LINGO2: variants seen among roughly 807,000 people sequenced by gnomAD.
LINGO2 encodes leucine rich repeat and Ig domain containing 2, also known as leucine-rich repeat and immunoglobulin-like domain-containing nogo receptor-interacting protein 2.
Under a neutral mutation model 30.6 loss-of-function variants are expected in LINGO2, and 14 were observed. The observed-to-expected ratio is 0.46, with a 90% CI of 0.30 to 0.72. The LOEUF is 0.72. Among genes scored for constraint, LINGO2 ranks in the 30% least tolerant of loss-of-function variants. The probability of loss-of-function intolerance (pLI) is 0.07; values close to 1 mark genes in which losing one functional copy is unlikely to be tolerated. For synonymous variants in LINGO2, 317 were observed against 288.5 expected, an observed-to-expected ratio of 1.10 and a Z score of -1.00; for missense variants, 729 against 751.7, an observed-to-expected ratio of 0.97 and a Z score of 0.35.
the LINGO2 span, among the ~76,000 whole-genome samples, chr9:28,761,520 A>G: frequency 1.3e-5 from 2 of 151,702 alleles, no homozygotes; most frequent in African/African-American, 4.9e-5. Context: ...GTGTGTGTGT[A>G]TTAAAGGCAT....
At chr9:28,497,436 T>G (rs980161546) in intron 1 of LINGO2, among the ~76,000 whole-genome samples, 1 of 152,198 alleles carries the variant, frequency 6.6e-6, no homozygotes, top group African/African-American at 2.4e-5. Flanking sequence ...TACCCTTTCT[T>G]CCAGTTGATC....
the LINGO2 span, among the ~76,000 whole-genome samples, chr9:28,865,685 G>A: frequency 6.6e-6 from 1 of 152,150 alleles, no homozygotes; most frequent in African/African-American, 2.4e-5. Flanking sequence ...TCGGGAGGAT[G>A]AGACAGGAGA....
At chr9:28,479,147 T>C (rs1350701702) in intron 1 of LINGO2, among the ~76,000 whole-genome samples, 1 of 152,026 alleles carries the variant, frequency 6.6e-6, no homozygotes, top group African/African-American at 2.4e-5. Flanking sequence ...ATATATTAAC[T>C]ATCATTACAA....
At chr9:28,931,825 C>CG in the LINGO2 span, among the ~76,000 whole-genome samples, 3 of 151,746 alleles carry the variant, frequency 2.0e-5, no homozygotes, top group Admixed American at 2.0e-4. Flanking sequence ...AAGGCAGTGG[C>CG]GGGGCTGGGT....
intron 3 of LINGO2, among the ~76,000 whole-genome samples, chr9:28,299,883 T>G (rs1232668263): frequency 1.3e-5 from 2 of 152,150 alleles, no homozygotes; most frequent in Admixed American, 6.6e-5. Context: ...TTTAAACCCA[T>G]GATACTCCTG....
At chr9:28,301,703 T>A (rs1824150811) in intron 3 of LINGO2, among the ~76,000 whole-genome samples, 1 of 152,202 alleles carries the variant, frequency 6.6e-6, no homozygotes, top group South Asian at 2.1e-4. Flanking sequence ...AAATGATTCT[T>A]CCATGAATTG....
At chr9:28,838,598 T>C in the LINGO2 span, among the ~76,000 whole-genome samples, 1 of 152,218 alleles carries the variant, frequency 6.6e-6, no homozygotes, top group East Asian at 1.9e-4. Context: ...CTCAAGCTAA[T>C]AATCTGGGGG....
intron 3 of LINGO2, among the ~76,000 whole-genome samples, chr9:28,325,441 T>C (rs574169655): frequency 2.0e-5 from 3 of 152,234 alleles, no homozygotes; most frequent in African/African-American, 4.8e-5. Context: ...CGGTCTGATA[T>C]GGTTTGGCTG....
chr9:28,168,341 G>A (rs190792918), intron 4 of LINGO2, among the ~76,000 whole-genome samples: 5 of 152,288 alleles, frequency 3.3e-5, no homozygotes, highest in African/African-American at 9.6e-5. Flanking sequence ...GATGCCTACC[G>A]TAGGGCTCTG....
chr9:28,125,593 C>A (rs955674403), intron 4 of LINGO2, among the ~76,000 whole-genome samples: 2 of 152,038 alleles, frequency 1.3e-5, no homozygotes, highest in African/African-American at 4.8e-5. Flanking sequence ...GACTGCAGGG[C>A]TCTCTTAGAG....
chr9:28,084,500 C>T (rs1825855621), intron 4 of LINGO2, among the ~76,000 whole-genome samples: 1 of 152,070 alleles, frequency 6.6e-6, no homozygotes, highest in Admixed American at 6.6e-5. Flanking sequence ...TGGTATACGC[C>T]AGGTACTTAT....
At chr9:28,099,583 T>C (rs1206718908) in intron 4 of LINGO2, among the ~76,000 whole-genome samples, 1 of 152,216 alleles carries the variant, frequency 6.6e-6, no homozygotes, top group Non-Finnish European at 1.5e-5. Context: ...AAGCCACCAC[T>C]GTATCTACTT....
intron 1 of LINGO2, among the ~76,000 whole-genome samples, chr9:28,650,740 T>G (rs1828059479): frequency 6.6e-6 from 1 of 152,156 alleles, no homozygotes; most frequent in African/African-American, 2.4e-5. Context: ...AACAAACTAG[T>G]GCATATATAT....
the LINGO2 span, among the ~76,000 whole-genome samples, chr9:28,811,431 G>T: frequency 6.6e-6 from 1 of 152,084 alleles, no homozygotes; most frequent in Middle Eastern, 3.2e-3. Context: ...ATGAAACCTT[G>T]TAGTGGCCTT....
chr9:28,884,474 A>C, the LINGO2 span, among the ~76,000 whole-genome samples: 1 of 152,132 alleles, frequency 6.6e-6, no homozygotes, highest in African/African-American at 2.4e-5. Context: ...TAATTTTGTT[A>C]GAATTTTTGA....
chr9:28,057,585 G>A (rs200910236), intron 4 of LINGO2, among the ~76,000 whole-genome samples: 6 of 21,242 alleles, frequency 2.8e-4, no homozygotes, highest in Non-Finnish European at 3.9e-4. Flanking sequence ...ACACATATAT[G>A]TATATACATA....
the LINGO2 span, among the ~76,000 whole-genome samples, chr9:29,138,673 G>T: frequency 6.6e-6 from 1 of 152,164 alleles, no homozygotes; most frequent in South Asian, 2.1e-4. Context: ...GGTATGGTAC[G>T]TAGCCCTATG....
At chr9:28,289,048 GAAAA>G (rs928418925) in intron 4 of LINGO2, among the ~76,000 whole-genome samples, 9 of 152,044 alleles carry the variant, frequency 5.9e-5, no homozygotes, top group African/African-American at 2.2e-4. Context: ...CTTTAAGAAA[GAAAA>G]ATTGCTTCTA....
At chr9:29,038,667 T>C in the LINGO2 span, among the ~76,000 whole-genome samples, 1 of 106,940 alleles carries the variant, frequency 9.4e-6, no homozygotes, top group East Asian at 2.4e-4. Flanking sequence ...CAGAGTTCAC[T>C]ACTCAGAAAA....
Sources: allele counts gnomAD v4.1 joint callset (sites outside exome capture counted in the v4.1 genomes callset), GRCh38; gene constraint gnomAD v4.1.1; transcripts MANE v1.5; gene names NCBI Gene and HGNC (gene_info 2026-07-23, HGNC 2026-07-21).